NUSAP1: variants seen among roughly 807,000 people sequenced by gnomAD.
The protein encoded by NUSAP1 is nucleolar and spindle associated protein 1.
NUSAP1 carries 32 observed loss-of-function variants against 52.8 expected under a neutral mutation model. The observed-to-expected ratio is 0.61, with a 90% CI of 0.46 to 0.81. The LOEUF (loss-of-function observed/expected upper bound fraction) is 0.81, where lower values mean the gene tolerates loss of function less well. Ranked by LOEUF, NUSAP1 falls within the 40% of genes least tolerant of loss-of-function variation. The pLI, the probability that NUSAP1 is intolerant of heterozygous loss-of-function variation, is 0.00. For synonymous variants in NUSAP1, 195 were observed against 183.1 expected, an observed-to-expected ratio of 1.06 and a Z score of -0.52; for missense variants, 499 against 522.3, an observed-to-expected ratio of 0.96 and a Z score of 0.43.
chr15:41,343,748 C>T (rs1567043350), intron 2 of NUSAP1, among the ~76,000 whole-genome samples: 1 of 151,872 alleles, frequency 6.6e-6, no homozygotes, highest in Non-Finnish European at 1.5e-5. Context: ...GCCTCAGCCT[C>T]CCAAAGTGCT....
chr15:41,367,249 T>C (rs1291444629), intron 7 of NUSAP1, among the ~76,000 whole-genome samples: 5 of 152,276 alleles, frequency 3.3e-5, no homozygotes, highest in Admixed American at 1.3e-4. Context: ...TGGCTGTTTC[T>C]CAGGCCCTAG....
Position 41,375,376 on chromosome 15 carries a change from G to A in NUSAP1, c.1007-336G>A, listed in dbSNP as rs535785366. On this transcript the variant is annotated intron_variant, in intron 8 of 10. Transcript: ENST00000559596. ...TTTTTAGTAGAGATGGGGTTTCTCC[G>A]TGTTGGTCAGGCTGGTCTTGAACTC... 3.9e-5 allele frequency among the ~76,000 whole-genome samples: 6 copies of A among 151,940 alleles called. No homozygotes were observed. The East Asian group carries it at 7.7e-4, about 20-fold the overall frequency.
rs201743438 is a variant in NUSAP1, at chr15:41,349,086, C to A, written c.163-12C>A. The A allele has an allele frequency of 3.1e-6, 5 of 1,612,206 alleles. No homozygotes were observed. The African/African-American group carries it at 6.7e-5, about 22-fold the overall frequency. On this transcript the variant is annotated splice_polypyrimidine_tract_variant and intron_variant, in intron 2 of 10. Coordinates refer to ENST00000559596, the MANE Select transcript of NUSAP1 (RefSeq NM_016359.5). ...GACATAGCACATAGCAGATTAATAC[C>A]TCTCTTTTCAGGATGAAAGTCAAAC... is the stretch of plus-strand genomic sequence containing the variant.
chr15:41,367,364 G>T (rs911269520), intron 7 of NUSAP1, among the ~76,000 whole-genome samples: 2 of 152,166 alleles, frequency 1.3e-5, no homozygotes, highest in Admixed American at 1.3e-4. Flanking sequence ...TCAAGGGCAG[G>T]TTCGCCTTGA....
At chr15:41,338,911 G>A (rs2048273342) in intron 1 of NUSAP1, among the ~76,000 whole-genome samples, 1 of 151,982 alleles carries the variant, frequency 6.6e-6, no homozygotes, top group Admixed American at 6.6e-5. Flanking sequence ...GCTGCAGTGA[G>A]CCAAGATCAC....
intron 10 of NUSAP1, among the ~76,000 whole-genome samples, chr15:41,378,279 G>A (rs1229114859): frequency 6.6e-6 from 1 of 152,126 alleles, no homozygotes; most frequent in African/African-American, 2.4e-5. Context: ...AGAAAACCAG[G>A]CTTACAAGGC....
At chr15:41,359,920 C>A (rs986659276) in intron 6 of NUSAP1, among the ~76,000 whole-genome samples, 8 of 152,080 alleles carry the variant, frequency 5.3e-5, no homozygotes, top group Non-Finnish European at 8.8e-5. Flanking sequence ...AGCCATTGCT[C>A]CCATCCTCAC....
At chr15:41,355,364 G>A (rs2048926906) in intron 4 of NUSAP1, among the ~76,000 whole-genome samples, 1 of 149,680 alleles carries the variant, frequency 6.7e-6, no homozygotes, top group Non-Finnish European at 1.5e-5. Context: ...GTAGGGACAG[G>A]GTTTCACCAT....
intron 1 of NUSAP1, among the ~76,000 whole-genome samples, chr15:41,334,065 T>C (rs988236339): frequency 1.3e-5 from 2 of 152,240 alleles, no homozygotes; most frequent in African/African-American, 2.4e-5. Context: ...GCTGTGATAC[T>C]GACAGTGAGT....
chr15:41,358,145 C>G lies in NUSAP1; in HGVS notation c.551-4C>G. On this transcript the variant is annotated splice_polypyrimidine_tract_variant and splice_region_variant and intron_variant, in intron 5 of 10. Coordinates refer to ENST00000559596, the MANE Select transcript of NUSAP1 (RefSeq NM_016359.5). ...TTATTAATTTTTATATTGGAACATT[C>G]TAGACTTTAAGAAGCTTCATGAAGC... 7.5e-7 allele frequency: 1 copy of G among 1,334,894 alleles called. No individual in the cohort carries two copies. The highest frequency in any genetic ancestry group is 1.1e-6 in the Non-Finnish European group (1 of 947,846). The allele number at this position is 1,334,894 out of a possible 1,614,324, so 82.7% of individuals were successfully genotyped here. A position where few individuals can be genotyped will look rare whatever the true frequency, so the allele number is the denominator to read the frequency against.
chr15:41,372,001 C>T (rs959596670), intron 8 of NUSAP1, among the ~76,000 whole-genome samples: 1 of 152,092 alleles, frequency 6.6e-6, no homozygotes, highest in African/African-American at 2.4e-5. Context: ...CTCCTGACCT[C>T]AGGTGATCCG....
At chr15:41,347,906 TCAGCCTAGGAGTTCACAAC>T (rs993796940) in intron 2 of NUSAP1, among the ~76,000 whole-genome samples, 17 of 151,834 alleles carry the variant, frequency 1.1e-4, no homozygotes, top group Non-Finnish European at 1.9e-4. Context: ...GAGGATGACT[TCAGCCTAGGAGTTCACAAC>T]CAGCCTGGGC....
At chr15:41,367,642 A>G (rs2049475143) in intron 7 of NUSAP1, among the ~76,000 whole-genome samples, 1 of 152,104 alleles carries the variant, frequency 6.6e-6, no homozygotes, top group Non-Finnish European at 1.5e-5. Context: ...CAACTCTCCA[A>G]ACTGGGAGAC....
In NUSAP1 at chr15:41,380,271, T is replaced by G; in HGVS notation, c.*85T>G. Reference sequence around the variant, plus strand: ...TTTTTTTTTTGCTGTCATCCCCACTTTAGTCACGAGATCTTTTTCTGCTAA... The same window carrying G: ...TTTTTTTTTTGCTGTCATCCCCACTGTAGTCACGAGATCTTTTTCTGCTAA... On this transcript the variant is annotated 3_prime_UTR_variant, in exon 11 of 11. Coordinates refer to ENST00000559596, the MANE Select transcript of NUSAP1 (RefSeq NM_016359.5). The G allele has an allele frequency of 1.2e-6, 1 of 851,860 alleles. No individual in the cohort carries two copies. Among genetic ancestry groups the G allele is most frequent in the Admixed American group, 2.4e-5 (1 of 41,174 alleles). The allele number at this position is 851,860 out of a possible 1,614,324, so 52.8% of individuals were successfully genotyped here. A position where few individuals can be genotyped will look rare whatever the true frequency, so the allele number is the denominator to read the frequency against.
At chr15:41,369,509 A>G (rs2049570250) in intron 7 of NUSAP1, among the ~76,000 whole-genome samples, 1 of 151,962 alleles carries the variant, frequency 6.6e-6, no homozygotes, top group Admixed American at 6.6e-5. Context: ...TTATCTGGGC[A>G]TGGTGGTGTG....
intron 2 of NUSAP1, chr15:41,345,533 C>T: frequency 2.5e-6 from 1 of 404,118 alleles, no homozygotes; most frequent in Non-Finnish European, 4.8e-6. Context: ...GATCTCGGCT[C>T]ACCGCAACCT....
intron 1 of NUSAP1, among the ~76,000 whole-genome samples, chr15:41,338,034 G>A (rs2048229136): frequency 6.8e-6 from 1 of 146,748 alleles, no homozygotes; most frequent in African/African-American, 2.5e-5. Flanking sequence ...CCAGGTTCAA[G>A]CGATTCTCCT....
intron 10 of NUSAP1, among the ~76,000 whole-genome samples, chr15:41,378,568 G>A (rs930283606): frequency 5.3e-5 from 8 of 152,116 alleles, no homozygotes; most frequent in African/African-American, 1.2e-4. Flanking sequence ...GGTGGATCAC[G>A]ATGTCAGGAG....
rs1404254953 is a variant in NUSAP1 at position 41,365,562 on chromosome 15, CTA to C, written c.823_824del (p.Ile275LeufsTer4). The stretch of plus-strand genomic sequence containing the variant: ...CTGAAGGGGTCACTCAAGCGCTCTG[CTA>C]TCTCTGCAGCTAAAACGGGTGTCAG... On this transcript the variant is annotated frameshift_variant, in exon 7 of 11. Coordinates refer to ENST00000559596, the MANE Select transcript of NUSAP1 (RefSeq NM_016359.5). LOFTEE classifies it high-confidence loss of function. 2 of 1,606,038 alleles carry C rather than the reference CTA, an allele frequency of 1.2e-6. No individual in the cohort carries two copies. The highest frequency in any genetic ancestry group is 8.5e-7 in the Non-Finnish European group (1 of 1,174,646).
Sources: allele counts gnomAD v4.1 joint callset (sites outside exome capture counted in the v4.1 genomes callset), GRCh38; gene constraint gnomAD v4.1.1; transcripts MANE v1.5; gene names NCBI Gene and HGNC (gene_info 2026-07-23, HGNC 2026-07-21).